Variants in ZFAT observed in about 807,000 individuals in gnomAD.
ZFAT encodes zinc finger protein ZFAT.
Under a neutral mutation model 117.7 loss-of-function variants are expected in ZFAT, and 64 were observed. The observed-to-expected ratio is 0.54, with a 90% CI of 0.44 to 0.67. The LOEUF (loss-of-function observed/expected upper bound fraction) is 0.67. ZFAT is among the 30% of genes least tolerant of loss of function. The pLI, the probability that ZFAT is intolerant of heterozygous loss-of-function variation, is 0.00. For synonymous variants in ZFAT, 679 were observed against 615.0 expected (o/e 1.10, Z -1.54); for missense variants, 1,433 against 1,584.5 (o/e 0.90, Z 1.62).
intron 10 of ZFAT, among the ~76,000 whole-genome samples, chr8:134,580,782 C>T (rs1159073626): frequency 3.3e-5 from 5 of 152,084 alleles, no homozygotes; most frequent in African/African-American, 1.2e-4. Flanking sequence ...TGTTTGGAAA[C>T]AAAGATTCCA....
intron 1 of ZFAT, among the ~76,000 whole-genome samples, chr8:134,659,121 C>T (rs1308646215): frequency 6.6e-6 from 1 of 152,234 alleles, no homozygotes; most frequent in Non-Finnish European, 1.5e-5. Context: ...CCTGGTGATG[C>T]TGGACAAATA....
chr8:134,694,307 A>G (rs1260901957), intron 1 of ZFAT, among the ~76,000 whole-genome samples: 1 of 152,200 alleles, frequency 6.6e-6, no homozygotes, highest in Non-Finnish European at 1.5e-5. Flanking sequence ...AAATGTGGTT[A>G]TGTGGGAGAA....
chr8:134,664,522 G>A (rs143635057), intron 1 of ZFAT, among the ~76,000 whole-genome samples: 1 of 152,218 alleles, frequency 6.6e-6, no homozygotes, highest in Non-Finnish European at 1.5e-5. Context: ...AGAGAGCATG[G>A]TGCTCCCTTT....
the ZFAT span, among the ~76,000 whole-genome samples, chr8:134,720,246 G>A: frequency 1.3e-5 from 2 of 152,228 alleles, no homozygotes; most frequent in Non-Finnish European, 2.9e-5. Context: ...AGCTGAACCA[G>A]TCAACCCATA....
chr8:134,586,127 G>T (rs1309007157), intron 9 of ZFAT, among the ~76,000 whole-genome samples: 1 of 152,124 alleles, frequency 6.6e-6, no homozygotes, highest in Non-Finnish European at 1.5e-5. Flanking sequence ...TTTCCTTTGT[G>T]ATTCCTTCAT....
the ZFAT span, among the ~76,000 whole-genome samples, chr8:134,811,452 C>T: frequency 2.0e-5 from 3 of 152,098 alleles, no homozygotes; most frequent in African/African-American, 7.2e-5. Flanking sequence ...GTAACAAAAA[C>T]GCCAATAACC....
intron 3 of ZFAT, among the ~76,000 whole-genome samples, chr8:134,626,684 C>T (rs1279456633): frequency 6.6e-6 from 1 of 152,258 alleles, no homozygotes; most frequent in Non-Finnish European, 1.5e-5. Flanking sequence ...TAAAACTCAG[C>T]AGCCTGGTTA....
At chr8:134,589,649 C>T (rs763515531) in intron 8 of ZFAT, among the ~76,000 whole-genome samples, 7 of 152,142 alleles carry the variant, frequency 4.6e-5, no homozygotes, top group Non-Finnish European at 1.0e-4. Context: ...CCCTGTGTGA[C>T]GTTAGCAGGG....
At chr8:134,760,109 A>C in the ZFAT span, among the ~76,000 whole-genome samples, 46,001 of 150,980 alleles carry the variant, frequency 0.3, 7,169 homozygotes, top group Non-Finnish European at 0.33. Context: ...TCTACTAAAA[A>C]TACAAAAAAT....
At chr8:134,741,434 C>T in the ZFAT span, among the ~76,000 whole-genome samples, 1 of 152,170 alleles carries the variant, frequency 6.6e-6, no homozygotes, top group Admixed American at 6.5e-5. Context: ...TACGAATACT[C>T]TTCTATTCTT....
the ZFAT span, among the ~76,000 whole-genome samples, chr8:134,728,022 G>A: frequency 1.3e-5 from 2 of 152,156 alleles, no homozygotes; most frequent in East Asian, 1.9e-4. Context: ...CAGACATGCT[G>A]TACCAGGTAC....
chr8:134,761,591 T>C, the ZFAT span, among the ~76,000 whole-genome samples: 1 of 151,880 alleles, frequency 6.6e-6, no homozygotes, highest in Non-Finnish European at 1.5e-5. Flanking sequence ...TCCCAGCTAC[T>C]TGGGAGGCTG....
chr8:134,739,197 C>T, the ZFAT span, among the ~76,000 whole-genome samples: 8 of 152,196 alleles, frequency 5.3e-5, no homozygotes, highest in Admixed American at 6.5e-5. Flanking sequence ...GAAGACCACT[C>T]TCACTTTTTC....
intron 1 of ZFAT, among the ~76,000 whole-genome samples, chr8:134,684,220 G>A (rs1833206505): frequency 6.6e-6 from 1 of 152,128 alleles, no homozygotes; most frequent in Non-Finnish European, 1.5e-5. Context: ...CCATACCAGT[G>A]CCTGGCTTGG....
At chr8:134,739,061 C>G in the ZFAT span, among the ~76,000 whole-genome samples, 2 of 152,176 alleles carry the variant, frequency 1.3e-5, no homozygotes, top group Non-Finnish European at 2.9e-5. Flanking sequence ...CTTGAGAGGA[C>G]AGAGCTGAGG....
At chr8:134,745,013 C>T in the ZFAT span, among the ~76,000 whole-genome samples, 1 of 152,038 alleles carries the variant, frequency 6.6e-6, no homozygotes, top group Admixed American at 6.5e-5. Context: ...ACAGGCGTAG[C>T]CACCGCGCCC....
the ZFAT span, among the ~76,000 whole-genome samples, chr8:134,790,718 T>C: frequency 2.0e-5 from 3 of 152,210 alleles, no homozygotes; most frequent in African/African-American, 4.8e-5. Flanking sequence ...CCTTCTGTTT[T>C]AAAATTTTCC....
chr8:134,479,560 T>C (rs1371489610), intron 15 of ZFAT, among the ~76,000 whole-genome samples: 1 of 152,162 alleles, frequency 6.6e-6, no homozygotes, highest in African/African-American at 2.4e-5. Context: ...GTTGAGACCT[T>C]AGAGCTGCAA....
chr8:134,776,594 C>A, the ZFAT span, among the ~76,000 whole-genome samples: 1 of 152,198 alleles, frequency 6.6e-6, no homozygotes, highest in Non-Finnish European at 1.5e-5. Context: ...ACAGTTCCCC[C>A]CTCCTGCTCT....
Sources: gnomAD v4.1 joint callset for allele counts (sites outside exome capture counted in the v4.1 genomes callset) on GRCh38, gnomAD v4.1.1 for gene constraint, MANE v1.5 for transcripts, NCBI Gene and HGNC (gene_info 2026-07-23, HGNC 2026-07-21) for gene names.